Variants in ERBB3 observed in about 807,000 individuals in gnomAD.
ERBB3 encodes the protein receptor tyrosine-protein kinase erbB-3.
In ERBB3, 96 loss-of-function variants were observed where a neutral mutation model predicts 156.7. The ratio of observed to expected loss-of-function variants is 0.61; its 90% CI spans 0.52 to 0.73. The LOEUF (loss-of-function observed/expected upper bound fraction) is 0.73. Among genes scored for constraint, ERBB3 ranks in the 30% least tolerant of loss-of-function variants. The pLI is 0.00. For synonymous variants in ERBB3, 567 were observed against 632.0 expected (o/e 0.90, Z 1.54); for missense variants, 1,406 against 1,709.4 (o/e 0.82, Z 3.13).
chr12:56,088,762 G>A lies in ERBB3; in HGVS notation c.1003G>A (p.Gly335Ser), dbSNP rs1868570049. The A allele has an allele frequency of 6.2e-7, 1 of 1,614,116 alleles. No homozygotes were observed. The highest frequency in any genetic ancestry group is 8.5e-7 in the Non-Finnish European group (1 of 1,180,024). The change falls in exon 9 of 28, where the codon GGC becomes AGC. Residue 335 changes from glycine to serine, a missense_variant. By Grantham distance (56) the Gly-to-Ser change is moderately conservative. Coordinates refer to ENST00000267101, the MANE Select transcript of ERBB3 (RefSeq NM_001982.4). ...GLCPKACEGT[G>S]SGSRFQTVDS... ...TACATTTGCAGCCTGTGAGGGAACA[G>A]GCTCTGGGAGCCGCTTCCAGACTGT...
In ERBB3 at chr12:56,096,522, C is replaced by G. The variant is rs181659329; in HGVS notation, c.2075C>G (p.Pro692Arg). The change falls in exon 18 of 28, where the codon CCC becomes CGC. Residue 692 changes from proline to arginine, a missense_variant. By Grantham distance (103) the Pro-to-Arg change is moderately radical (BLOSUM62 -2). Around this residue, in one of 3 missense-constraint regions of ERBB3, gnomAD observed 979 missense variants for 1,219.6 expected, o/e 0.80. Transcript: ENST00000267101. ...ERGESIEPLD[P>R]SEKANKVLAR... is the part of the protein sequence containing the mutation. ...CCTCAGAGCATAGAGCCTCTGGACC[C>G]CAGTGAGAAGGCTAACAAAGTCTTG... 2 of 1,614,126 alleles carry G rather than the reference C, an allele frequency of 1.2e-6. No individual in the cohort carries two copies. Among genetic ancestry groups the G allele is most frequent in the Non-Finnish European group, 1.7e-6 (2 of 1,180,018 alleles).
In ERBB3 at chr12:56,097,216, G is replaced by A. The variant is rs1418183010; in HGVS notation, c.2446G>A (p.Val816Ile). The change falls in exon 20 of 28, where the codon GTA becomes ATA. Residue 816 changes from valine (V) to isoleucine (I), a missense_variant. Physicochemically the swap from Val to Ile is conservative, Grantham distance 29. Transcript: ENST00000267101. Reference protein sequence around the residue: ...LGPQLLLNWGVQIAKGMYYLE... With the variant: ...LGPQLLLNWGIQIAKGMYYLE... Reference sequence around the variant, plus strand: ...GCCACAGCTGCTGCTCAACTGGGGAGTACAAATTGCCAAGGTGAGAGAAGC... The same window carrying A: ...GCCACAGCTGCTGCTCAACTGGGGAATACAAATTGCCAAGGTGAGAGAAGC... 1 of 1,614,090 alleles carries A rather than the reference G, an allele frequency of 6.2e-7. No individual in the cohort carries two copies. Among genetic ancestry groups the A allele is most frequent in the Non-Finnish European group, 8.5e-7 (1 of 1,179,970 alleles).
chr12:56,100,316 C>T, intron 26 of ERBB3, 71 bp downstream of exon 26: 1 of 1,268,022 alleles, frequency 7.9e-7, no homozygotes, highest in Non-Finnish European at 1.2e-6. Context: ...ACATTAGAAA[C>T]CTCTGAGGTT....
chr12:56,088,526 C>T lies in ERBB3; in HGVS notation c.875-17C>T, dbSNP rs1868561529. On this transcript the variant is annotated splice_polypyrimidine_tract_variant and intron_variant, in intron 7 of 27. Transcript: ENST00000267101. ...TTCCTCCCTCATCTCTAATGGTGTCCTCCTCCTCTTCCCTAGATAACTTTG... is the reference window on the plus strand; with the variant it reads ...TTCCTCCCTCATCTCTAATGGTGTCTTCCTCCTCTTCCCTAGATAACTTTG... The T allele has an allele frequency of 6.4e-7, 1 of 1,562,856 alleles. No individual in the cohort carries two copies. The highest frequency in any genetic ancestry group is 1.7e-4 in the Middle Eastern group (1 of 5,974).
At chr12:56,091,285 T>TATAAATAATATATATAAATATAA (rs1868680003) in intron 9 of ERBB3, among the ~76,000 whole-genome samples, 1 of 61,222 alleles carries the variant, frequency 1.6e-5, no homozygotes, top group East Asian at 3.4e-4. Context: ...TATATATATA[T>TATAAATAATATATATAAATATAA]ATATATATAT....
In ERBB3 at chr12:56,101,298, T is replaced by C; in HGVS notation, c.3439T>C (p.Ser1147Pro). 6.2e-7 allele frequency: 1 copy of C among 1,613,964 alleles called. No homozygotes were observed. The highest frequency in any genetic ancestry group is 8.5e-7 in the Non-Finnish European group (1 of 1,179,976). Residue 1147 changes from serine (S) to proline (P), a missense_variant, in exon 27 of 28, where the codon TCC becomes CCC. Physicochemically the swap from Ser to Pro is moderately conservative, Grantham distance 74. Coordinates refer to ENST00000267101, the MANE Select transcript of ERBB3 (RefSeq NM_001982.4). ...HSLLTPVTPL[S>P]PPGLEEEDVN... is the part of the protein sequence containing the mutation. ...TCTGCTGACTCCTGTTACCCCACTC[T>C]CCCCACCCGGGTTAGAGGAAGAGGA... is the stretch of plus-strand genomic sequence containing the variant.
At chr12:56,097,751 A>G (rs1163587952) in intron 20 of ERBB3, 34 bp from the exon 21 acceptor site, 4 of 1,606,490 alleles carry the variant, frequency 2.5e-6, no homozygotes, top group Non-Finnish European at 3.4e-6. Flanking sequence ...GATTCCCCCA[A>G]CCTTAAGAAT....
intron 5 of ERBB3, 60 bp from the exon 6 acceptor site, chr12:56,087,735 C>T: frequency 6.3e-7 from 1 of 1,580,662 alleles, no homozygotes; most frequent in Non-Finnish European, 8.7e-7. Flanking sequence ...GAGGCATGAG[C>T]AGTGGCCTCA....
Position 56,080,264 on chromosome 12 carries a change from C to T in ERBB3, c.-37C>T, listed in dbSNP as rs1337771318. 6.6e-7 allele frequency: 1 copy of T among 1,526,584 alleles called. No individual in the cohort carries two copies. 94.6% of individuals were successfully genotyped at this position (1,526,584 alleles called of 1,614,324 possible). On this transcript the variant is annotated 5_prime_UTR_variant, in exon 1 of 28. Coordinates refer to ENST00000267101, the MANE Select transcript of ERBB3 (RefSeq NM_001982.4). Reference sequence around the variant, plus strand: ...TGTCCTAGCCTAGGGGCCCCCGGGCCGGACTTGGCTGGGCTCCCTTCACCC... The same window carrying T: ...TGTCCTAGCCTAGGGGCCCCCGGGCTGGACTTGGCTGGGCTCCCTTCACCC...
chr12:56,098,454 A>G, intron 21 of ERBB3, 46 bp from the exon 22 acceptor site: 1 of 1,438,220 alleles, frequency 7.0e-7, no homozygotes, highest in East Asian at 2.3e-5. Flanking sequence ...AATCCTAAGA[A>G]AATTTGTGGA....
chr12:56,099,593 C>G, intron 23 of ERBB3, 55 bp from the exon 24 acceptor site: 1 of 1,496,034 alleles, frequency 6.7e-7, no homozygotes, highest in African/African-American at 1.4e-5. Flanking sequence ...GCCACCGCGC[C>G]CGGCCATGGA....
chr12:56,090,264 T>G (rs916202973), intron 9 of ERBB3, among the ~76,000 whole-genome samples: 2 of 151,844 alleles, frequency 1.3e-5, no homozygotes, highest in Non-Finnish European at 2.9e-5. Context: ...CTTCCCAAAG[T>G]GTTGGGATTA....
Position 56,087,597 on chromosome 12 carries a change from T to G in ERBB3, c.568T>G (p.Cys190Gly). 2 of 1,614,184 alleles carry G rather than the reference T, an allele frequency of 1.2e-6. No homozygotes were observed. The highest frequency in any genetic ancestry group is 1.7e-6 in the Non-Finnish European group (2 of 1,180,032). ...ACCAGGTCCCCCCTGTCATGAGGTT[T>G]GCAAGGGGCGATGCTGGGGTCCTGG... ...GRSCPPCHEV[C>G]KGRCWGPGSE... Residue 190 changes from cysteine to glycine, a missense_variant, in exon 5 of 28, where the codon TGC becomes GGC. Cys to Gly is a radical substitution (Grantham distance 159). Coordinates refer to ENST00000267101, the MANE Select transcript of ERBB3 (RefSeq NM_001982.4).
chr12:56,099,487 T>C (rs1334742856), intron 23 of ERBB3, among the ~76,000 whole-genome samples, 161 bp from the exon 24 acceptor site: 1 of 151,014 alleles, frequency 6.6e-6, no homozygotes, highest in African/African-American at 2.4e-5. Flanking sequence ...TTAGTAGAGA[T>C]GGGGTTTCAC....
chr12:56,086,782 C>A, intron 4 of ERBB3, 126 bp downstream of exon 4: 1 of 1,134,028 alleles, frequency 8.8e-7, no homozygotes, highest in Non-Finnish European at 1.3e-6. Flanking sequence ...AGGTCCCTGA[C>A]TCAGCAGCCC....
Position 56,080,339 on chromosome 12 carries a change from T to C in ERBB3, c.39T>C (p.Leu13=). 2 of 1,592,034 alleles carry C rather than the reference T, an allele frequency of 1.3e-6. No homozygotes were observed. Among genetic ancestry groups the C allele is most frequent in the East Asian group, 4.5e-5 (2 of 44,032 alleles). ...ACGCTCTGCAGGTGCTGGGCTTGCTTTTCAGCCTGGCCCGGGGCTCCGAGG... is the reference window on the plus strand; with the variant it reads ...ACGCTCTGCAGGTGCTGGGCTTGCTCTTCAGCCTGGCCCGGGGCTCCGAGG... ...ANDALQVLGL[L]FSLARGSEVG... is the part of the protein sequence containing the mutation. Residue 13 remains leucine (L), a synonymous_variant, in exon 1 of 28, where the codon CTT becomes CTC. Transcript: ENST00000267101.
chr12:56,096,220 A>C, intron 17 of ERBB3: 1 of 540,268 alleles, frequency 1.9e-6, no homozygotes, highest in East Asian at 3.3e-5. Context: ...TCAAGGTGGT[A>C]ATAGTACTAC....
rs1464527981 is a variant in ERBB3, at chr12:56,084,920, G to A, written c.235-75G>A. On this transcript the variant is annotated intron_variant, in intron 2 of 27. Transcript: ENST00000267101. ...TTAAAACAGTTAAAGAGTCTTTAAT[G>A]CCTGAAGGAGGAGAGGAGATTGAGA... The A allele has an allele frequency of 1.9e-6, 3 of 1,607,870 alleles. No homozygotes were observed. The African/African-American group carries it at 4.0e-5, about 21-fold the overall frequency.
At chr12:56,088,275 T>C (rs755215218) in intron 7 of ERBB3, 113 bp downstream of exon 7, 13 of 1,222,736 alleles carry the variant, frequency 1.1e-5, no homozygotes, top group Non-Finnish European at 1.4e-5. Context: ...GATTGGTGAA[T>C]GGTTATGATC....
Sources: gnomAD v4.1 joint callset for allele counts (sites outside exome capture counted in the v4.1 genomes callset) on GRCh38, gnomAD v4.1.1 for gene constraint, gnomAD v4.1.1 regional missense constraint, MANE v1.5 for transcripts, NCBI Gene and HGNC (gene_info 2026-07-23, HGNC 2026-07-21) for gene names.